Variants in GNA12 observed in about 807,000 individuals in gnomAD.
GNA12 encodes guanine nucleotide-binding protein subunit alpha-12.
Under a neutral mutation model 26.0 loss-of-function variants are expected in GNA12, and 9 were observed. That is an observed-to-expected ratio of 0.35 (90% CI 0.21 to 0.60). The LOEUF is 0.60. GNA12 is among the 20% of genes least tolerant of loss of function. The probability of loss-of-function intolerance (pLI) is 0.78; values close to 1 mark genes in which losing one functional copy is unlikely to be tolerated. For synonymous variants in GNA12, 264 were observed against 219.6 expected (o/e 1.20, Z -1.79); for missense variants, 405 against 525.8 (o/e 0.77, Z 2.25).
At chr7:2,741,611 C>T (rs960437163) in intron 2 of GNA12, among the ~76,000 whole-genome samples, 1 of 152,106 alleles carries the variant, frequency 6.6e-6, no homozygotes, top group African/African-American at 2.4e-5. Flanking sequence ...AAGAATAGTA[C>T]AAAGAGCTCA....
rs895254343 is a variant in GNA12 at position 2,835,491 on chromosome 7, T to C, written c.309+8362A>G. On this transcript the variant is annotated intron_variant, in intron 1 of 3. Transcript: ENST00000275364. ...CCTGTGTCCCAGCTTTTAGGGATCA[T>C]TGGCCATGGGTCCAAGGGGAGGGAA... The C allele has an allele frequency of 8.1e-5, 31 of 383,322 alleles. No individual in the cohort carries two copies. The Admixed American group carries it at 1.1e-3, about 13-fold the overall frequency. The allele number at this position is 383,322 out of a possible 1,614,324, so 23.7% of individuals were successfully genotyped here.
chr7:2,742,492 C>G (rs758958544), intron 2 of GNA12, among the ~76,000 whole-genome samples: 5 of 152,210 alleles, frequency 3.3e-5, no homozygotes, highest in Non-Finnish European at 7.3e-5. Context: ...TTTATCTCAT[C>G]GCTGTCCACA....
intron 1 of GNA12, among the ~76,000 whole-genome samples, chr7:2,838,745 G>A (rs1778907525): frequency 1.3e-5 from 2 of 151,996 alleles, no homozygotes; most frequent in Admixed American, 6.5e-5. Context: ...AAACATAAGT[G>A]GCTATATTAA....
chr7:2,754,403 C>A (rs769047942), intron 2 of GNA12, among the ~76,000 whole-genome samples: 1 of 152,076 alleles, frequency 6.6e-6, no homozygotes. Context: ...ATGTAGTCAG[C>A]AAATACTTTT....
chr7:2,733,648 G>A, intron 2 of GNA12, 147 bp from the exon 3 acceptor site: 1 of 647,506 alleles, frequency 1.5e-6, no homozygotes, highest in Non-Finnish European at 2.8e-6. Flanking sequence ...GTGTCCGTGT[G>A]TTTTCTAAAA....
intron 2 of GNA12, among the ~76,000 whole-genome samples, chr7:2,747,940 T>C (rs1292620939): frequency 6.6e-6 from 1 of 151,274 alleles, no homozygotes; most frequent in Non-Finnish European, 1.5e-5. Flanking sequence ...TACCTAGGAA[T>C]CCAACTTACA....
At chr7:2,820,733 G>A (rs963826403) in intron 1 of GNA12, among the ~76,000 whole-genome samples, 2 of 152,116 alleles carry the variant, frequency 1.3e-5, no homozygotes, top group African/African-American at 4.8e-5. Flanking sequence ...CTCCAACTGT[G>A]TCTTTTAAAA....
intron 1 of GNA12, among the ~76,000 whole-genome samples, chr7:2,823,118 G>A (rs896040127): frequency 2.0e-5 from 3 of 152,082 alleles, no homozygotes; most frequent in African/African-American, 7.2e-5. Flanking sequence ...AACTAAAAAC[G>A]TGGGGTCCGA....
At chr7:2,737,274 GTTTTTTTTTTTTTTGTT>G (rs1790245172) in intron 2 of GNA12, among the ~76,000 whole-genome samples, 1 of 35,032 alleles carries the variant, frequency 2.9e-5, no homozygotes, top group East Asian at 8.3e-4. Flanking sequence ...GTTTTGTTTT[GTTTTTTTTTTTTTTGTT>G]TTTTTTTTTT....
intron 2 of GNA12, among the ~76,000 whole-genome samples, chr7:2,744,420 G>A (rs1218493465): frequency 6.6e-6 from 1 of 152,204 alleles, no homozygotes; most frequent in Non-Finnish European, 1.5e-5. Flanking sequence ...GTCTGGAGTG[G>A]ACCTCTAGCA....
chr7:2,803,160 A>G (rs1792855453), intron 1 of GNA12, among the ~76,000 whole-genome samples: 1 of 152,236 alleles, frequency 6.6e-6, no homozygotes, highest in Admixed American at 6.5e-5. Context: ...CAAGCGTAGC[A>G]GCAAGACAGA....
intron 2 of GNA12, among the ~76,000 whole-genome samples, chr7:2,785,183 T>C (rs896658340): frequency 2.6e-5 from 4 of 152,200 alleles, no homozygotes; most frequent in African/African-American, 9.7e-5. Context: ...TGCTTCTGTA[T>C]CCTCAGGCAA....
Position 2,750,805 on chromosome 7 carries a change from A to T in GNA12, c.526-17304T>A, listed in dbSNP as rs138995103. Among the ~76,000 whole-genome samples the T allele has an allele frequency of 3.3e-5, 5 of 152,322 alleles. No individual in the cohort carries two copies. In the East Asian group the frequency reaches 9.7e-4, roughly 29 times the overall value. Reference sequence around the variant, plus strand: ...TGAAGAAACACAGTGTGAAGTTACAAAGTGAGGCCTCAGAACCAGATTCGG... The same window carrying T: ...TGAAGAAACACAGTGTGAAGTTACATAGTGAGGCCTCAGAACCAGATTCGG... On this transcript the variant is annotated intron_variant, in intron 2 of 3. Transcript: ENST00000275364.
chr7:2,833,632 A>ATT (rs1192041944), intron 1 of GNA12, among the ~76,000 whole-genome samples: 2 of 152,198 alleles, frequency 1.3e-5, no homozygotes, highest in African/African-American at 4.8e-5. Context: ...ATGTTTTTGC[A>ATT]TTTGTTTTGT....
At chr7:2,762,449 C>G in intron 2 of GNA12, 1 of 531,530 alleles carries the variant, frequency 1.9e-6, no homozygotes. Context: ...CGCTACTTAA[C>G]TCCAAAGTCC....
chr7:2,778,791 G>A (rs937603423), intron 2 of GNA12, among the ~76,000 whole-genome samples: 1 of 152,180 alleles, frequency 6.6e-6, no homozygotes, highest in Admixed American at 6.5e-5. Flanking sequence ...TCAATAATAT[G>A]TAGCGAAAAT....
chr7:2,840,599 A>G (rs943910659), intron 1 of GNA12, among the ~76,000 whole-genome samples: 1 of 152,310 alleles, frequency 6.6e-6, no homozygotes, highest in South Asian at 2.1e-4. Flanking sequence ...TATTTCACAC[A>G]TGTAATCCCA....
In GNA12 at chr7:2,740,880, T is replaced by C. The variant is rs576234629; in HGVS notation, c.526-7379A>G. On this transcript the variant is annotated intron_variant, in intron 2 of 3. Coordinates refer to ENST00000275364, the MANE Select transcript of GNA12 (RefSeq NM_007353.3). Reference sequence around the variant, plus strand: ...TAGCATGGTGAAACCCTGCCTCTACTAAAAATACAAAAAAATTAGTCGGGC... The same window carrying C: ...TAGCATGGTGAAACCCTGCCTCTACCAAAAATACAAAAAAATTAGTCGGGC... 2.0e-5 allele frequency among the ~76,000 whole-genome samples: 3 copies of C among 152,118 alleles called. No homozygotes were observed. In the South Asian group the frequency reaches 6.2e-4, roughly 32 times the overall value.
At chr7:2,740,380 T>G (rs1790438937) in intron 2 of GNA12, among the ~76,000 whole-genome samples, 1 of 152,144 alleles carries the variant, frequency 6.6e-6, no homozygotes, top group Non-Finnish European at 1.5e-5. Flanking sequence ...CGGAGAGCTC[T>G]CCCTCTCACT....
Sources: gnomAD v4.1 joint callset for allele counts (sites outside exome capture counted in the v4.1 genomes callset) on GRCh38, gnomAD v4.1.1 for gene constraint, MANE v1.5 for transcripts, NCBI Gene and HGNC (gene_info 2026-07-23, HGNC 2026-07-21) for gene names.